Variants in CGRRF1 observed in about 807,000 individuals in gnomAD.
The protein encoded by CGRRF1 is cell growth regulator with ring finger domain 1.
CGRRF1 carries 32 observed loss-of-function variants against 37.2 expected under a neutral mutation model. That is an observed-to-expected ratio of 0.86 (90% CI 0.65 to 1.16). CGRRF1 has a LOEUF of 1.16. Among genes scored for constraint, CGRRF1 ranks in the 50% most tolerant of loss-of-function variants. The pLI, the probability that CGRRF1 is intolerant of heterozygous loss-of-function variation, is 0.00. For missense variants in CGRRF1, 391 were observed against 382.6 expected, an observed-to-expected ratio of 1.02 and a Z score of -0.18; for synonymous variants, 141 against 140.3, an observed-to-expected ratio of 1.00 and a Z score of -0.04.
intron 1 of CGRRF1, among the ~76,000 whole-genome samples, chr14:54,513,526 T>G (rs907023654): frequency 6.6e-6 from 1 of 152,234 alleles, no homozygotes; most frequent in African/African-American, 2.4e-5. Context: ...CACTTCATTT[T>G]GTGTAGCCAC....
chr14:54,526,931 C>T (rs576009080), intron 2 of CGRRF1, among the ~76,000 whole-genome samples: 36 of 152,258 alleles, frequency 2.4e-4, no homozygotes, highest in African/African-American at 7.0e-4. Flanking sequence ...GTGGCTTTTC[C>T]GCCCCATCAT....
At chr14:54,515,751 G>C (rs1038858396) in intron 1 of CGRRF1, among the ~76,000 whole-genome samples, 1 of 152,090 alleles carries the variant, frequency 6.6e-6, no homozygotes, top group Non-Finnish European at 1.5e-5. Context: ...CTTTTGATTA[G>C]TGTTAGCATA....
At chr14:54,512,002 A>T (rs1424822707) in intron 1 of CGRRF1, among the ~76,000 whole-genome samples, 1 of 152,206 alleles carries the variant, frequency 6.6e-6, no homozygotes, top group Non-Finnish European at 1.5e-5. Context: ...AAGGCCATGT[A>T]TTTATTGACT....
chr14:54,529,042 C>T (rs1256441073), intron 2 of CGRRF1, among the ~76,000 whole-genome samples: 4 of 152,142 alleles, frequency 2.6e-5, no homozygotes, highest in Admixed American at 2.6e-4. Flanking sequence ...GAAACAACTT[C>T]AATAAAAGGA....
intron 1 of CGRRF1, among the ~76,000 whole-genome samples, chr14:54,512,497 C>T (rs775197999): frequency 3.4e-4 from 51 of 152,218 alleles, no homozygotes; most frequent in Non-Finnish European, 6.5e-4. Context: ...TCCCGGCCTC[C>T]TCTTGACCAC....
intron 1 of CGRRF1, among the ~76,000 whole-genome samples, chr14:54,520,917 G>A (rs951203420): frequency 1.3e-5 from 2 of 152,078 alleles, no homozygotes; most frequent in Non-Finnish European, 2.9e-5. Flanking sequence ...AGAAGGGAGT[G>A]CATCAAATAG....
intron 1 of CGRRF1, among the ~76,000 whole-genome samples, chr14:54,514,768 A>G (rs939059799): frequency 6.6e-6 from 1 of 152,224 alleles, no homozygotes; most frequent in African/African-American, 2.4e-5. Flanking sequence ...GTACTGCTTT[A>G]TCAGCATTCC....
At chr14:54,537,920 G>C in intron 5 of CGRRF1, 91 bp downstream of exon 5, 1 of 1,509,986 alleles carries the variant, frequency 6.6e-7, no homozygotes, top group Non-Finnish European at 8.8e-7. Flanking sequence ...ATATTTTTCA[G>C]TTAATAATTA....
rs181358890 is a variant in CGRRF1, at chr14:54,516,787, T to C, written c.105-5667T>C. ...GCAAACTTCAGTGATATGTTAAGAC[T>C]TCAGTTACATGGCTGACTAAAAGTT... is the stretch of plus-strand genomic sequence containing the variant. On this transcript the variant is annotated intron_variant, in intron 1 of 5. Coordinates refer to ENST00000216420, the MANE Select transcript of CGRRF1 (RefSeq NM_006568.3). 1.2e-3 allele frequency among the ~76,000 whole-genome samples: 189 copies of C among 152,316 alleles called. 1 individual carries two copies. Among genetic ancestry groups the C allele is most frequent in the Admixed American group, 8.2e-3 (125 of 15,310 alleles).
At chr14:54,532,663 C>T (rs533117129) in intron 4 of CGRRF1, among the ~76,000 whole-genome samples, 33 of 150,398 alleles carry the variant, frequency 2.2e-4, no homozygotes, top group African/African-American at 7.8e-4. Flanking sequence ...TAGTACAGTG[C>T]CTAGGATATA....
chr14:54,523,940 T>A (rs972877312), intron 2 of CGRRF1, among the ~76,000 whole-genome samples: 3 of 152,252 alleles, frequency 2.0e-5, no homozygotes, highest in Admixed American at 6.5e-5. Flanking sequence ...GATCTTTCTC[T>A]GCTTTTCATC....
At chr14:54,523,736 A>G (rs556557944) in intron 2 of CGRRF1, among the ~76,000 whole-genome samples, 1 of 152,276 alleles carries the variant, frequency 6.6e-6, no homozygotes, top group Admixed American at 6.5e-5. Context: ...GGAGTACAGA[A>G]AGAATAGCAA....
chr14:54,520,040 TCA>T (rs766879312), intron 1 of CGRRF1, among the ~76,000 whole-genome samples: 14 of 152,228 alleles, frequency 9.2e-5, no homozygotes, highest in Non-Finnish European at 1.8e-4. Flanking sequence ...TGATTAGAGT[TCA>T]GTGTTTGTTT....
rs111854549 is a variant in CGRRF1, at chr14:54,525,957, G to T, written c.244+3364G>T. On this transcript the variant is annotated intron_variant, in intron 2 of 5. Coordinates refer to ENST00000216420, the MANE Select transcript of CGRRF1 (RefSeq NM_006568.3). ...CTAAAAATACAAAAATTAGCTGGGCGTGGTGGCACATGCCTGTTAGTGCCG... is the reference window on the plus strand; with the variant it reads ...CTAAAAATACAAAAATTAGCTGGGCTTGGTGGCACATGCCTGTTAGTGCCG... Among the ~76,000 whole-genome samples the T allele has an allele frequency of 1.8e-3, 277 of 151,964 alleles. 1 individual carries two copies. Among genetic ancestry groups the T allele is most frequent in the African/African-American group, 6.5e-3 (269 of 41,496 alleles).
chr14:54,528,938 G>A (rs1217438314), intron 2 of CGRRF1, among the ~76,000 whole-genome samples: 1 of 152,136 alleles, frequency 6.6e-6, no homozygotes, highest in East Asian at 1.9e-4. Flanking sequence ...TGGAGCATCT[G>A]CTTGTATTTG....
chr14:54,537,240 G>A (rs1190702971), intron 4 of CGRRF1: 1 of 152,196 alleles, frequency 6.6e-6, no homozygotes, highest in African/African-American at 2.4e-5. Flanking sequence ...ATCTGATGGG[G>A]CTAGTCGCCC....
Position 54,538,283 on chromosome 14 carries a change from A to G in CGRRF1, c.899A>G (p.Lys300Arg). The change falls in exon 6 of 6, where the codon AAG becomes AGG. Residue 300 changes from lysine to arginine, a missense_variant. Lys to Arg is a conservative substitution (Grantham distance 26). Coordinates refer to ENST00000216420, the MANE Select transcript of CGRRF1 (RefSeq NM_006568.3). ...RHTCLCDGCVKYFQQCPMCRQ... is the reference protein window; with the variant it reads ...RHTCLCDGCVRYFQQCPMCRQ... ...ACATGCCTGTGTGATGGCTGTGTGA[A>G]GTATTTTCAGCAGTGCCCAATGTGC... 1.9e-6 allele frequency: 3 copies of G among 1,614,220 alleles called. No individual in the cohort carries two copies. Among genetic ancestry groups the G allele is most frequent in the Non-Finnish European group, 2.5e-6 (3 of 1,180,030 alleles).
intron 1 of CGRRF1, among the ~76,000 whole-genome samples, chr14:54,515,791 A>G (rs1054943011): frequency 1.3e-5 from 2 of 151,882 alleles, no homozygotes; most frequent in African/African-American, 4.8e-5. Context: ...TTTACTTGTA[A>G]ACTCTTTTTG....
intron 4 of CGRRF1, among the ~76,000 whole-genome samples, chr14:54,531,337 A>G (rs2032511733): frequency 6.6e-6 from 1 of 152,114 alleles, no homozygotes. Flanking sequence ...GTATACACCT[A>G]TTTAGTTTTT....
Sources: gnomAD v4.1 joint callset for allele counts (sites outside exome capture counted in the v4.1 genomes callset) on GRCh38, gnomAD v4.1.1 for gene constraint, MANE v1.5 for transcripts, NCBI Gene and HGNC (gene_info 2026-07-23, HGNC 2026-07-21) for gene names.